The following HIVEP3 variants were observed in gnomAD, a reference collection of about 807,000 sequenced individuals.
HIVEP3 encodes HIVEP zinc finger 3.
Under a neutral mutation model 152.8 loss-of-function variants are expected in HIVEP3, and 49 were observed. The ratio of observed to expected loss-of-function variants is 0.32; its 90% CI spans 0.26 to 0.41. The LOEUF (loss-of-function observed/expected upper bound fraction) is 0.41, where lower values mean the gene tolerates loss of function less well. HIVEP3 is among the 10% of genes least tolerant of loss of function. The pLI, the probability that HIVEP3 is intolerant of heterozygous loss-of-function variation, is 1.00. For missense variants in HIVEP3, 2,790 were observed against 3,103.3 expected, an observed-to-expected ratio of 0.90 and a Z score of 2.40; for synonymous variants, 1,269 against 1,289.0, an observed-to-expected ratio of 0.98 and a Z score of 0.33.
At chr1:41,885,306 G>A (rs552310821) in intron 1 of HIVEP3, among the ~76,000 whole-genome samples, 1 of 152,238 alleles carries the variant, frequency 6.6e-6, no homozygotes, top group Non-Finnish European at 1.5e-5. Flanking sequence ...GGATCCCCTA[G>A]GGCTGCTCAG....
At chr1:41,900,101 C>G (rs980383872) in intron 1 of HIVEP3, among the ~76,000 whole-genome samples, 1 of 152,102 alleles carries the variant, frequency 6.6e-6, no homozygotes, top group African/African-American at 2.4e-5. Flanking sequence ...GCCTTCTCTG[C>G]CCAGGCCAAT....
chr1:41,575,733 G>T, intron 4 of HIVEP3, 44 bp from the exon 5 acceptor site: 2 of 1,602,762 alleles, frequency 1.2e-6, no homozygotes, highest in Non-Finnish European at 1.7e-6. Context: ...GGTTAAAAGT[G>T]CATCCTCAGT....
chr1:41,750,994 G>A (rs974830691), intron 1 of HIVEP3, among the ~76,000 whole-genome samples: 7 of 151,010 alleles, frequency 4.6e-5, no homozygotes, highest in South Asian at 2.1e-4. Flanking sequence ...GATTACAGGT[G>A]TGAGACACCG....
At chr1:41,691,766 T>A (rs1646201340) in intron 2 of HIVEP3, among the ~76,000 whole-genome samples, 1 of 152,250 alleles carries the variant, frequency 6.6e-6, no homozygotes, top group East Asian at 1.9e-4. Context: ...TAGATACAGT[T>A]GATCCTCTTT....
chr1:41,790,227 C>A (rs2124296898), intron 1 of HIVEP3, among the ~76,000 whole-genome samples: 1 of 152,178 alleles, frequency 6.6e-6, no homozygotes, highest in Non-Finnish European at 1.5e-5. Flanking sequence ...GGCTTGGTAA[C>A]CTATCCCTCA....
chr1:41,953,767 AG>A (rs1645123573), intron 1 of HIVEP3, among the ~76,000 whole-genome samples: 1 of 152,230 alleles, frequency 6.6e-6, no homozygotes, highest in Non-Finnish European at 1.5e-5. Context: ...GGAAGAAGGA[AG>A]GAGATGCAAG....
intron 5 of HIVEP3, among the ~76,000 whole-genome samples, chr1:41,534,067 A>C (rs1295146998): frequency 6.6e-6 from 1 of 152,100 alleles, no homozygotes; most frequent in Non-Finnish European, 1.5e-5. Context: ...TCAATGCTAC[A>C]TGCAATGCAT....
chr1:41,614,041 C>T (rs944820654), intron 3 of HIVEP3, among the ~76,000 whole-genome samples: 3 of 152,212 alleles, frequency 2.0e-5, no homozygotes, highest in Non-Finnish European at 2.9e-5. Context: ...TGTGAGATCA[C>T]GCAGGTTGGA....
In HIVEP3 at chr1:41,584,252, C is replaced by T; in HGVS notation, c.546G>A (p.Lys182=). ...TGCCTGGCTTCTGGGGCTTCCTCTC[C>T]TTCTTGTGTGCCTCTTCTGTGGGCT... ...SLKPTEEAHK[K]ERKPQKPGKY... The change falls in exon 4 of 9, where the codon AAG becomes AAA. Residue 182 remains lysine (K), a synonymous_variant. Coordinates refer to ENST00000372583, the MANE Select transcript of HIVEP3 (RefSeq NM_024503.5). The surrounding 1 kb of genome is among the most constrained non-coding windows in gnomAD (Gnocchi z 5.2). The T allele has an allele frequency of 6.2e-7, 1 of 1,613,590 alleles. No individual in the cohort carries two copies. Among genetic ancestry groups the T allele is most frequent in the Non-Finnish European group, 8.5e-7 (1 of 1,179,708 alleles).
chr1:41,545,319 ATCGCCACC>A (rs1643733827), intron 5 of HIVEP3, among the ~76,000 whole-genome samples: 1 of 141,176 alleles, frequency 7.1e-6, no homozygotes, highest in Non-Finnish European at 1.5e-5. Context: ...CATCGCTACC[ATCGCCACC>A]ATCACCACTA....
intron 1 of HIVEP3, among the ~76,000 whole-genome samples, chr1:41,750,094 C>T (rs1647136494): frequency 6.6e-6 from 1 of 152,206 alleles, no homozygotes; most frequent in Non-Finnish European, 1.5e-5. Flanking sequence ...TGGGTGGAAT[C>T]TTGGCTCTGC....
intron 5 of HIVEP3, among the ~76,000 whole-genome samples, chr1:41,573,625 T>C (rs115811035): frequency 7.2e-4 from 109 of 152,288 alleles, no homozygotes; most frequent in African/African-American, 2.5e-3. Flanking sequence ...AATGCACCAA[T>C]GTCCATTTTT....
intron 2 of HIVEP3, among the ~76,000 whole-genome samples, chr1:41,633,079 G>A (rs1223873999): frequency 6.6e-6 from 1 of 152,056 alleles, no homozygotes; most frequent in Non-Finnish European, 1.5e-5. Flanking sequence ...ACTGTCCCCA[G>A]TCTCCCCCTC....
At position 41,873,312 on chromosome 1, in the gene HIVEP3, C is replaced by T. The variant is rs1452556148; in HGVS notation, c.-801+45101G>A. Reference sequence around the variant, plus strand: ...GCAGAATTTTCTAGGAGAGACAGGACTTGGGGGTACCACTAGGCCCCGGGG... The same window carrying T: ...GCAGAATTTTCTAGGAGAGACAGGATTTGGGGGTACCACTAGGCCCCGGGG... On this transcript the variant is annotated intron_variant, in intron 1 of 8. Coordinates refer to ENST00000372583, the MANE Select transcript of HIVEP3 (RefSeq NM_024503.5). The surrounding 1 kb of genome is among the most constrained non-coding windows in gnomAD (Gnocchi z 4.2). Among the ~76,000 whole-genome samples the T allele has an allele frequency of 3.9e-5, 6 of 152,222 alleles. No individual in the cohort carries two copies. The highest frequency in any genetic ancestry group is 3.9e-4 in the Admixed American group (6 of 15,290).
chr1:41,543,472 C>T (rs900105896), intron 5 of HIVEP3: 4 of 152,174 alleles, frequency 2.6e-5, no homozygotes, highest in African/African-American at 7.2e-5. Flanking sequence ...AGGTGGTAAC[C>T]AGTTAGCAGA....
intron 1 of HIVEP3, among the ~76,000 whole-genome samples, chr1:41,895,186 CCCCAA>C (rs1454795940): frequency 6.6e-6 from 1 of 152,158 alleles, no homozygotes; most frequent in Non-Finnish European, 1.5e-5. Flanking sequence ...ACCAGGGTGG[CCCCAA>C]GCAGGCTATG....
intron 1 of HIVEP3, among the ~76,000 whole-genome samples, chr1:41,961,726 T>C (rs1211961522): frequency 6.6e-6 from 1 of 152,244 alleles, no homozygotes; most frequent in Non-Finnish European, 1.5e-5. Context: ...AGGAGAAATA[T>C]GAAAGCGAGA....
At position 41,582,279 on chromosome 1, in the gene HIVEP3, G is replaced by C. The variant is rs759745182; in HGVS notation, c.2519C>G (p.Ala840Gly). 1 of 1,614,120 alleles carries C rather than the reference G, an allele frequency of 6.2e-7. No individual in the cohort carries two copies. Among genetic ancestry groups the C allele is most frequent in the East Asian group, 2.2e-5 (1 of 44,878 alleles). Residue 840 changes from alanine (A) to glycine (G), a missense_variant, in exon 4 of 9, where the codon GCT becomes GGT. Ala to Gly is a moderately conservative substitution (Grantham distance 60). This residue lies in a region of HIVEP3 where 1,078 missense variants were observed against 1,165.3 expected (regional missense o/e 0.93). Coordinates refer to ENST00000372583, the MANE Select transcript of HIVEP3 (RefSeq NM_024503.5). The surrounding 1 kb of genome is among the most constrained non-coding windows in gnomAD (Gnocchi z 4.7). The part of the protein sequence containing the change: ...SPPPAPHGRS[A>G]HSLQPKLVRQ... ...GACCAACTTAGGCTGCAGGGAGTGAGCAGAGCGTCCGTGTGGGGCAGGTGG... is the reference window on the plus strand; with the variant it reads ...GACCAACTTAGGCTGCAGGGAGTGACCAGAGCGTCCGTGTGGGGCAGGTGG...
At position 41,580,622 on chromosome 1, in the gene HIVEP3, T is replaced by C; in HGVS notation, c.4176A>G (p.Pro1392=). Reference sequence around the variant, plus strand: ...TCACAGGCACTCTCAGGTATGGAGTTGGGAAAGCTCTGCTTTGCTCTTCAC... The same window carrying C: ...TCACAGGCACTCTCAGGTATGGAGTCGGGAAAGCTCTGCTTTGCTCTTCAC... ...GLSEEQSRAF[P]TPYLRVPVTL... The change falls in exon 4 of 9, where the codon CCA becomes CCG. Residue 1392 remains proline (P), a synonymous_variant. Coordinates refer to ENST00000372583, the MANE Select transcript of HIVEP3 (RefSeq NM_024503.5). 1 of 1,614,154 alleles carries C rather than the reference T, an allele frequency of 6.2e-7. No individual in the cohort carries two copies. Among genetic ancestry groups the C allele is most frequent in the Non-Finnish European group, 8.5e-7 (1 of 1,180,042 alleles).
Sources: gnomAD v4.1 joint callset for allele counts (sites outside exome capture counted in the v4.1 genomes callset) on GRCh38, gnomAD v4.1.1 for gene constraint, gnomAD v4.1.1 regional missense constraint, Gnocchi (gnomAD v3.1) non-coding constraint, MANE v1.5 for transcripts, NCBI Gene and HGNC (gene_info 2026-07-23, HGNC 2026-07-21) for gene names.